OSBPL8: variants seen among roughly 807,000 people sequenced by gnomAD.
OSBPL8 encodes oxysterol binding protein like 8, also known as oxysterol-binding protein-related protein 8.
In OSBPL8, 59 loss-of-function variants were observed where a neutral mutation model predicts 125.5. The ratio of observed to expected loss-of-function variants is 0.47; its 90% CI spans 0.38 to 0.58. OSBPL8 has a LOEUF of 0.58. Ranked by LOEUF, OSBPL8 falls within the 20% of genes least tolerant of loss-of-function variation. The pLI, the probability that OSBPL8 is intolerant of heterozygous loss-of-function variation, is 0.00. For missense variants in OSBPL8, 758 were observed against 1,047.8 expected (o/e 0.72, Z 3.82); for synonymous variants, 330 against 338.9 (o/e 0.97, Z 0.29).
chr12:76,554,306 A>G lies in OSBPL8; in HGVS notation c.-68+5091T>C, dbSNP rs142786498. 3.4e-3 allele frequency among the ~76,000 whole-genome samples: 515 copies of G among 152,342 alleles called. 3 individuals carry two copies. Among genetic ancestry groups the G allele is most frequent in the African/African-American group, 0.012 (498 of 41,586 alleles). ...GTAAAGTGCATTTTGTAAATGACAC[A>G]ACTAAAACAGACTCAGGAAGATCAC... On this transcript the variant is annotated intron_variant, in intron 1 of 23. Coordinates refer to ENST00000261183, the MANE Select transcript of OSBPL8 (RefSeq NM_020841.5).
intron 15 of OSBPL8, among the ~76,000 whole-genome samples, chr12:76,382,885 A>G (rs1458731003): frequency 6.6e-6 from 1 of 152,178 alleles, no homozygotes; most frequent in African/African-American, 2.4e-5. Context: ...TATAGAATAG[A>G]AAATTTTGCT....
chr12:76,533,536 C>A (rs975719370), intron 1 of OSBPL8, among the ~76,000 whole-genome samples: 16 of 152,170 alleles, frequency 1.1e-4, no homozygotes, highest in African/African-American at 3.6e-4. Context: ...CCACTGAAGT[C>A]TTTATGAGGC....
At chr12:76,492,934 A>G (rs1878878292) in intron 1 of OSBPL8, among the ~76,000 whole-genome samples, 1 of 149,740 alleles carries the variant, frequency 6.7e-6, no homozygotes, top group South Asian at 2.1e-4. Flanking sequence ...ATATATATAG[A>G]TATTTTTTTT....
chr12:76,479,185 T>C (rs1031905212), intron 2 of OSBPL8, among the ~76,000 whole-genome samples: 13 of 152,224 alleles, frequency 8.5e-5, no homozygotes, highest in African/African-American at 2.9e-4. Context: ...GATTGGATTG[T>C]ACATTTTAAA....
intron 1 of OSBPL8, among the ~76,000 whole-genome samples, chr12:76,550,490 G>C (rs1035094672): frequency 9.2e-5 from 14 of 152,172 alleles, no homozygotes; most frequent in African/African-American, 3.4e-4. Context: ...GTTTAGGCCA[G>C]GGGTGTCCAA....
chr12:76,366,154 T>C (rs1266539981), intron 21 of OSBPL8, among the ~76,000 whole-genome samples: 1 of 152,200 alleles, frequency 6.6e-6, no homozygotes, highest in Non-Finnish European at 1.5e-5. Flanking sequence ...TTGAGAAGGA[T>C]TTGTGCTTGT....
intron 5 of OSBPL8, among the ~76,000 whole-genome samples, chr12:76,408,104 C>T (rs1408239111): frequency 4.6e-5 from 6 of 131,554 alleles, no homozygotes; most frequent in African/African-American, 8.7e-5. Flanking sequence ...CCCAGGAGTT[C>T]GAATCCAGCT....
chr12:76,482,178 A>T (rs549762005), intron 2 of OSBPL8, among the ~76,000 whole-genome samples: 1 of 152,254 alleles, frequency 6.6e-6, no homozygotes, highest in Non-Finnish European at 1.5e-5. Context: ...AGATTCATAC[A>T]TATTTTTTAA....
At chr12:76,402,913 G>GATA in intron 5 of OSBPL8, 147 bp from the exon 6 acceptor site, 1 of 627,180 alleles carries the variant, frequency 1.6e-6, no homozygotes, top group South Asian at 2.0e-5. Flanking sequence ...TTCCCTATAT[G>GATA]TCTTTAAAAA....
intron 21 of OSBPL8, among the ~76,000 whole-genome samples, chr12:76,362,369 G>A (rs543106947): frequency 4.6e-5 from 7 of 151,806 alleles, no homozygotes; most frequent in South Asian, 4.2e-4. Flanking sequence ...GATGCAAGGC[G>A]GGTTCAACAT....
At chr12:76,358,150 A>AG (rs1205393944) in intron 22 of OSBPL8, among the ~76,000 whole-genome samples, 2 of 148,236 alleles carry the variant, frequency 1.3e-5, no homozygotes, top group African/African-American at 4.9e-5. Context: ...AAGGCATAAG[A>AG]GGTAGCTACT....
At chr12:76,436,913 TTGG>T (rs1279923563) in intron 4 of OSBPL8, among the ~76,000 whole-genome samples, 2 of 152,206 alleles carry the variant, frequency 1.3e-5, no homozygotes, top group Non-Finnish European at 2.9e-5. Context: ...CTATAATGCA[TTGG>T]TAAGTTTTAC....
intron 1 of OSBPL8, among the ~76,000 whole-genome samples, chr12:76,515,342 T>G (rs1881425758): frequency 6.6e-6 from 1 of 152,196 alleles, no homozygotes; most frequent in African/African-American, 2.4e-5. Flanking sequence ...TCAGACATTT[T>G]CACAGGGCCA....
chr12:76,478,200 T>TA (rs562496218), intron 2 of OSBPL8, among the ~76,000 whole-genome samples: 94 of 147,908 alleles, frequency 6.4e-4, no homozygotes, highest in Non-Finnish European at 1.1e-3. Context: ...AGACTCCATC[T>TA]AAAAAAAAAA....
At chr12:76,527,262 T>C (rs541881093) in intron 1 of OSBPL8, among the ~76,000 whole-genome samples, 1 of 152,068 alleles carries the variant, frequency 6.6e-6, no homozygotes, top group South Asian at 2.1e-4. Flanking sequence ...GGGGGGATTG[T>C]GCAACATGAG....
chr12:76,546,618 A>G (rs1950790160), intron 1 of OSBPL8, among the ~76,000 whole-genome samples: 2 of 152,212 alleles, frequency 1.3e-5, no homozygotes, highest in East Asian at 1.9e-4. Context: ...AAAAAGTATC[A>G]AAATTATAAA....
intron 16 of OSBPL8, among the ~76,000 whole-genome samples, chr12:76,377,625 G>A (rs1015299522): frequency 2.0e-5 from 3 of 152,070 alleles, no homozygotes; most frequent in Non-Finnish European, 4.4e-5. Flanking sequence ...TAATTTATAT[G>A]TTTTCATGAA....
chr12:76,404,400 G>C (rs995990173), intron 5 of OSBPL8, among the ~76,000 whole-genome samples: 2 of 152,082 alleles, frequency 1.3e-5, no homozygotes, highest in Admixed American at 6.5e-5. Context: ...GAACATTCAT[G>C]GTTGTTTACT....
At chr12:76,540,663 T>A (rs192627119) in intron 1 of OSBPL8, among the ~76,000 whole-genome samples, 23 of 151,510 alleles carry the variant, frequency 1.5e-4, no homozygotes, top group African/African-American at 4.6e-4. Context: ...CACATTGATA[T>A]AATAATCATA....
Sources: gnomAD v4.1 joint callset for allele counts (sites outside exome capture counted in the v4.1 genomes callset) on GRCh38, gnomAD v4.1.1 for gene constraint, MANE v1.5 for transcripts, NCBI Gene and HGNC (gene_info 2026-07-23, HGNC 2026-07-21) for gene names.